SPECC1: variants seen among roughly 807,000 people sequenced by gnomAD.
The protein encoded by SPECC1 is sperm antigen with calponin homology and coiled-coil domains 1.
SPECC1 carries 62 observed loss-of-function variants against 104.1 expected under a neutral mutation model. That is an observed-to-expected ratio of 0.60 (90% confidence interval 0.49 to 0.74). SPECC1 has a LOEUF of 0.74. Ranked by LOEUF, SPECC1 falls within the 30% of genes least tolerant of loss-of-function variation. The probability of loss-of-function intolerance (pLI) is 0.00; values close to 1 mark genes in which losing one functional copy is unlikely to be tolerated. For synonymous variants in SPECC1, 513 were observed against 501.6 expected (o/e 1.02, Z -0.30); for missense variants, 1,306 against 1,310.5 (o/e 1.00, Z 0.05).
chr17:20,065,163 A>G (rs1187084969), intron 1 of SPECC1, among the ~76,000 whole-genome samples: 1 of 152,202 alleles, frequency 6.6e-6, no homozygotes, highest in Admixed American at 6.5e-5. Flanking sequence ...AACAGTCATC[A>G]ACACGGAAAA....
At position 20,314,369 on chromosome 17, in the gene SPECC1, T is replaced by C; in HGVS notation, c.*304T>C. ...CCACACCCAGGCTTGTTTTGCTGAT[T>C]ATATTGGGTGGCTGAACGAACACAT... On this transcript the variant is annotated 3_prime_UTR_variant, in exon 15 of 15. Coordinates refer to ENST00000395527, the MANE Select transcript of SPECC1 (RefSeq NM_001243439.2). 2.6e-6 allele frequency: 1 copy of C among 380,386 alleles called. No homozygotes were observed. Among genetic ancestry groups the C allele is most frequent in the South Asian group, 5.4e-5 (1 of 18,598 alleles). The allele number at this position is 380,386 out of a possible 1,614,324, so 23.6% of individuals were successfully genotyped here.
chr17:20,274,695 T>A (rs2040520941), intron 12 of SPECC1, among the ~76,000 whole-genome samples: 1 of 151,694 alleles, frequency 6.6e-6, no homozygotes, highest in Admixed American at 6.6e-5. Context: ...TTAGCCAGGA[T>A]GGTCTTGATC....
chr17:20,051,936 A>AT (rs1304100622), intron 1 of SPECC1, among the ~76,000 whole-genome samples: 2 of 152,180 alleles, frequency 1.3e-5, no homozygotes, highest in Admixed American at 1.3e-4. Context: ...GCCCTGAGCA[A>AT]ATTACCTAAC....
At chr17:20,036,857 A>C (rs554712286) in intron 1 of SPECC1, among the ~76,000 whole-genome samples, 2 of 152,232 alleles carry the variant, frequency 1.3e-5, no homozygotes, top group Non-Finnish European at 2.9e-5. Flanking sequence ...AATAAGAGCA[A>C]TGAGAGTGAA....
At chr17:20,057,853 T>C (rs2046027803) in intron 1 of SPECC1, 1 of 152,302 alleles carries the variant, frequency 6.6e-6, no homozygotes, top group Admixed American at 6.5e-5. Context: ...TGATTGCATT[T>C]GATTCTGGAA....
At chr17:20,242,479 G>GTCTGGCCTGCAACTGTTGTTCTCTAGTA (rs1401356959) in intron 7 of SPECC1, among the ~76,000 whole-genome samples, 1 of 152,206 alleles carries the variant, frequency 6.6e-6, no homozygotes, top group African/African-American at 2.4e-5. Flanking sequence ...GCATCAGGCG[G>GTCTGGCCTGCAACTGTTGTTCTCTAGTA]TCTGGCCTGC....
chr17:20,048,425 G>A (rs1028889919), intron 1 of SPECC1, among the ~76,000 whole-genome samples: 16 of 151,612 alleles, frequency 1.1e-4, no homozygotes, highest in Admixed American at 4.6e-4. Context: ...GAGCCACTGC[G>A]CCCAGCCGAG....
At chr17:20,281,881 G>T (rs1023412514) in intron 12 of SPECC1, among the ~76,000 whole-genome samples, 2 of 152,248 alleles carry the variant, frequency 1.3e-5, no homozygotes, top group Admixed American at 6.5e-5. Flanking sequence ...AGATGGCAGG[G>T]AATCATCTGG....
chr17:20,126,659 A>G (rs938469669), intron 3 of SPECC1, among the ~76,000 whole-genome samples: 37 of 152,028 alleles, frequency 2.4e-4, no homozygotes, highest in African/African-American at 8.5e-4. Flanking sequence ...CCATTCCAGG[A>G]GTTATTCTTT....
intron 14 of SPECC1, among the ~76,000 whole-genome samples, chr17:20,308,554 T>C (rs2041841032): frequency 6.6e-6 from 1 of 152,214 alleles, no homozygotes; most frequent in Admixed American, 6.5e-5. Flanking sequence ...AATACAAGTA[T>C]GTTTCTTCAA....
At chr17:20,108,664 T>C (rs1447948976) in intron 2 of SPECC1, among the ~76,000 whole-genome samples, 1 of 152,230 alleles carries the variant, frequency 6.6e-6, no homozygotes, top group African/African-American at 2.4e-5. Flanking sequence ...AGTAATTCAT[T>C]TTTTTCCTAT....
chr17:20,299,150 C>T (rs1353604142), intron 13 of SPECC1, among the ~76,000 whole-genome samples: 3 of 151,878 alleles, frequency 2.0e-5, no homozygotes, highest in African/African-American at 7.3e-5. Context: ...TGGTGGAATT[C>T]CCTCTTCTTC....
At chr17:20,256,309 T>C (rs963095769) in intron 10 of SPECC1, among the ~76,000 whole-genome samples, 2 of 152,148 alleles carry the variant, frequency 1.3e-5, no homozygotes, top group African/African-American at 2.4e-5. Context: ...TGGATGATTA[T>C]ATTTACTGTT....
intron 12 of SPECC1, among the ~76,000 whole-genome samples, chr17:20,294,419 C>G (rs1354412321): frequency 2.0e-5 from 3 of 152,182 alleles, no homozygotes; most frequent in Non-Finnish European, 2.9e-5. Flanking sequence ...GGCTGCTGAA[C>G]AGGACGGGTT....
chr17:20,062,691 C>T (rs776589098), intron 1 of SPECC1, among the ~76,000 whole-genome samples: 2 of 141,134 alleles, frequency 1.4e-5, no homozygotes, highest in African/African-American at 5.4e-5. Flanking sequence ...ACAAGAAATA[C>T]ATTTTTTTTT....
chr17:20,269,830 T>C (rs1284115186), intron 12 of SPECC1, among the ~76,000 whole-genome samples: 1 of 152,204 alleles, frequency 6.6e-6, no homozygotes, highest in Non-Finnish European at 1.5e-5. Flanking sequence ...TTGTGTCCTT[T>C]CGCAGTAATA....
intron 1 of SPECC1, among the ~76,000 whole-genome samples, chr17:20,026,946 C>A (rs1024246173): frequency 6.7e-6 from 1 of 150,104 alleles, no homozygotes; most frequent in Non-Finnish European, 1.5e-5. Flanking sequence ...TGCCAGCATC[C>A]ATTATATTTT....
chr17:20,281,152 C>A (rs998912126), intron 12 of SPECC1, among the ~76,000 whole-genome samples: 1 of 152,194 alleles, frequency 6.6e-6, no homozygotes, highest in Admixed American at 6.5e-5. Context: ...AAACCATGTG[C>A]TGTAAGCCAT....
At chr17:20,281,400 A>C (rs1039460912) in intron 12 of SPECC1, among the ~76,000 whole-genome samples, 2 of 152,020 alleles carry the variant, frequency 1.3e-5, no homozygotes, top group African/African-American at 4.8e-5. Context: ...CCTCCTGCAC[A>C]CCCCAGGCTC....
Sources: allele counts gnomAD v4.1 joint callset (sites outside exome capture counted in the v4.1 genomes callset), GRCh38; gene constraint gnomAD v4.1.1; transcripts MANE v1.5; gene names NCBI Gene and HGNC (gene_info 2026-07-23, HGNC 2026-07-21).